Variants in CWH43 observed in about 807,000 individuals in gnomAD.
CWH43 encodes the protein cell wall biogenesis 43 C-terminal homolog.
In CWH43, 91 loss-of-function variants were observed where a neutral mutation model predicts 85.7. The ratio of observed to expected loss-of-function variants is 1.06; its 90% CI spans 0.90 to 1.26. The LOEUF is 1.26. Ranked by LOEUF, CWH43 falls within the 50% of genes most tolerant of loss-of-function variation. The pLI is 0.00. For missense variants in CWH43, 869 were observed against 839.2 expected (o/e 1.04, Z -0.44); for synonymous variants, 323 against 293.6 (o/e 1.10, Z -1.02).
Position 48,994,549 on chromosome 4 carries a change from G to C in CWH43, c.512-70G>C. ...AAATACCATTTCTTCCTTGCTAAAAGTCTGCTAAATATAGAGCGCAAATTT... is the reference window on the plus strand; with the variant it reads ...AAATACCATTTCTTCCTTGCTAAAACTCTGCTAAATATAGAGCGCAAATTT... On this transcript the variant is annotated intron_variant, in intron 4 of 15. Coordinates refer to ENST00000226432, the MANE Select transcript of CWH43 (RefSeq NM_025087.3). 30 of 1,305,400 alleles carry C rather than the reference G, an allele frequency of 2.3e-5. 2 individuals are homozygous for C. In the South Asian group the frequency reaches 3.8e-4, roughly 17 times the overall value. 80.9% of individuals were successfully genotyped at this position (1,305,400 alleles called of 1,614,324 possible). A position where few individuals can be genotyped will look rare whatever the true frequency, so the allele number is the denominator to read the frequency against.
intron 8 of CWH43, among the ~76,000 whole-genome samples, chr4:49,015,286 C>T (rs1783511166): frequency 6.6e-6 from 1 of 150,780 alleles, no homozygotes; most frequent in Non-Finnish European, 1.5e-5. Context: ...TTATGCCCCT[C>T]CTCCCCACTC....
chr4:49,026,543 C>T (rs1220666360), intron 9 of CWH43, among the ~76,000 whole-genome samples: 1 of 152,072 alleles, frequency 6.6e-6, no homozygotes, highest in Admixed American at 6.5e-5. Flanking sequence ...TACCCCCTCC[C>T]ACCCATCCCT....
intron 13 of CWH43, among the ~76,000 whole-genome samples, chr4:49,042,292 G>GT (rs1784487142): frequency 6.6e-6 from 1 of 152,154 alleles, no homozygotes; most frequent in Non-Finnish European, 1.5e-5. Context: ...CCAATAGTGA[G>GT]TATCCCAAGA....
chr4:49,052,821 A>G (rs918739763), intron 15 of CWH43, among the ~76,000 whole-genome samples: 3 of 152,198 alleles, frequency 2.0e-5, no homozygotes, highest in Non-Finnish European at 2.9e-5. Context: ...ACACCTTAGC[A>G]ATTTTCACAT....
intron 8 of CWH43, among the ~76,000 whole-genome samples, chr4:49,007,842 G>T (rs993129545): frequency 2.2e-4 from 33 of 152,168 alleles, no homozygotes; most frequent in African/African-American, 7.5e-4. Flanking sequence ...TGGTGTATAT[G>T]TGCCACATTT....
chr4:49,051,941 T>C (rs1167589021), intron 15 of CWH43, among the ~76,000 whole-genome samples: 1 of 152,178 alleles, frequency 6.6e-6, no homozygotes, highest in African/African-American at 2.4e-5. Context: ...ATGTGCTCTT[T>C]TCTCTCCCAT....
Position 48,986,349 on chromosome 4 carries a change from C to A in CWH43, c.-81C>A. 2 of 1,376,244 alleles carry A rather than the reference C, an allele frequency of 1.5e-6. No homozygotes were observed. The highest frequency in any genetic ancestry group is 2.3e-5 in the Admixed American group (1 of 44,250). 85.3% of individuals were successfully genotyped at this position (1,376,244 alleles called of 1,614,324 possible). A position where few individuals can be genotyped will look rare whatever the true frequency, so the allele number is the denominator to read the frequency against. On this transcript the variant is annotated 5_prime_UTR_variant, in exon 1 of 16. Coordinates refer to ENST00000226432, the MANE Select transcript of CWH43 (RefSeq NM_025087.3). Reference sequence around the variant, plus strand: ...ACGCAGGCCCGGGAGGACGCGGCGGCGGGAACCTGGGGGCGCAGGGCTAGG... The same window carrying A: ...ACGCAGGCCCGGGAGGACGCGGCGGAGGGAACCTGGGGGCGCAGGGCTAGG...
chr4:48,992,103 C>A lies in CWH43; in HGVS notation c.511+13C>A, dbSNP rs1429793048. 1 of 1,601,430 alleles carries A rather than the reference C, an allele frequency of 6.2e-7. No homozygotes were observed. The highest frequency in any genetic ancestry group is 8.5e-7 in the Non-Finnish European group (1 of 1,171,574). On this transcript the variant is annotated intron_variant, in intron 4 of 15. Coordinates refer to ENST00000226432, the MANE Select transcript of CWH43 (RefSeq NM_025087.3). This position sits in a 1 kb window ranked among gnomAD's most constrained non-coding sequence, Gnocchi z 4.3. ...CGTATTGGCACAGGTAATACTGTAA[C>A]TTAGGAATTTTCTCTTTGCAGAGCT...
Position 49,044,853 on chromosome 4 carries a change from C to A in CWH43, c.1865+6C>A. 6.2e-7 allele frequency: 1 copy of A among 1,610,182 alleles called. No individual in the cohort carries two copies. The highest frequency in any genetic ancestry group is 1.1e-5 in the South Asian group (1 of 90,748). On this transcript the variant is annotated splice_donor_region_variant and intron_variant, in intron 14 of 15. Transcript: ENST00000226432. ...ATGTATCGAGGGCTGATCAGGTGAG[C>A]ACAGGGGTTTGATTTTGTTTTTAAT...
chr4:49,013,241 T>C (rs1440079324), intron 8 of CWH43, among the ~76,000 whole-genome samples: 1 of 152,248 alleles, frequency 6.6e-6, no homozygotes, highest in East Asian at 1.9e-4. Flanking sequence ...TGGAGGTTGA[T>C]CTCAGACTGC....
At chr4:49,034,062 T>C (rs1306933338) in intron 12 of CWH43, among the ~76,000 whole-genome samples, 1 of 152,158 alleles carries the variant, frequency 6.6e-6, no homozygotes, top group Non-Finnish European at 1.5e-5. Flanking sequence ...AAATAAACCA[T>C]CCAAATATAA....
chr4:49,061,964 A>G lies in CWH43; in HGVS notation c.*74A>G. On this transcript the variant is annotated 3_prime_UTR_variant, in exon 16 of 16. Coordinates refer to ENST00000226432, the MANE Select transcript of CWH43 (RefSeq NM_025087.3). ...TATGTAAGATAAAAAGAAGAGATTA[A>G]TGAAAGTGGGAAAATACACATGAAG... 2 of 1,133,776 alleles carry G rather than the reference A, an allele frequency of 1.8e-6. No individual in the cohort carries two copies. The highest frequency in any genetic ancestry group is 2.3e-5 in the South Asian group (1 of 43,730). The allele number at this position is 1,133,776 out of a possible 1,614,324, so 70.2% of individuals were successfully genotyped here.
chr4:49,036,918 A>G (rs1325122648), intron 12 of CWH43, among the ~76,000 whole-genome samples: 3 of 152,072 alleles, frequency 2.0e-5, no homozygotes, highest in Non-Finnish European at 4.4e-5. Flanking sequence ...ATCTCCCACT[A>G]GTCGGTGCTG....
intron 9 of CWH43, among the ~76,000 whole-genome samples, chr4:49,027,769 AGTAG>A (rs1380804528): frequency 1.3e-5 from 2 of 152,296 alleles, no homozygotes; most frequent in East Asian, 3.9e-4. Flanking sequence ...ACTATCAAAT[AGTAG>A]GTCTTATTCT....
intron 13 of CWH43, 35 bp from the exon 14 acceptor site, chr4:49,044,751 A>T (rs368302776): frequency 6.3e-7 from 1 of 1,575,894 alleles, no homozygotes; most frequent in Admixed American, 1.8e-5. Context: ...TTTGCTTTTT[A>T]TGCTTTAAAC....
In CWH43 at chr4:49,061,952, AAG is replaced by A. The variant is rs1785175549; in HGVS notation, c.*64_*65del. ...TAAGAAAAAAAGTATGTAAGATAAA[AAG>A]AAGAGATTAATGAAAGTGGGAAAAT... On this transcript the variant is annotated 3_prime_UTR_variant, in exon 16 of 16. Transcript: ENST00000226432. The A allele has an allele frequency of 8.3e-7, 1 of 1,198,158 alleles. No homozygotes were observed. The allele number at this position is 1,198,158 out of a possible 1,614,324, so 74.2% of individuals were successfully genotyped here.
chr4:48,992,278 C>A lies in CWH43; in HGVS notation c.511+188C>A, dbSNP rs1458376183. ...TTTGCTAAGCAGGAGGCACATTTTCCTTGCCTGTACAGACAGAGGGTGAAA... is the reference window on the plus strand; with the variant it reads ...TTTGCTAAGCAGGAGGCACATTTTCATTGCCTGTACAGACAGAGGGTGAAA... On this transcript the variant is annotated intron_variant, in intron 4 of 15. Coordinates refer to ENST00000226432, the MANE Select transcript of CWH43 (RefSeq NM_025087.3). This position sits in a 1 kb window ranked among gnomAD's most constrained non-coding sequence, Gnocchi z 4.3. 3.3e-5 allele frequency among the ~76,000 whole-genome samples: 5 copies of A among 152,320 alleles called. No individual in the cohort carries two copies. The South Asian group carries it at 8.3e-4, about 25-fold the overall frequency.
intron 5 of CWH43, among the ~76,000 whole-genome samples, chr4:48,998,092 G>A (rs1782870612): frequency 6.6e-6 from 1 of 152,090 alleles, no homozygotes; most frequent in Non-Finnish European, 1.5e-5. Flanking sequence ...TTGAGGTAGA[G>A]GAAAGAAAGA....
At chr4:49,030,609 G>A (rs1366997690) in intron 10 of CWH43, among the ~76,000 whole-genome samples, 1 of 152,164 alleles carries the variant, frequency 6.6e-6, no homozygotes, top group Non-Finnish European at 1.5e-5. Flanking sequence ...GGTAGTTCCT[G>A]GAGGTGTTTC....
Sources: gnomAD v4.1 joint callset for allele counts (sites outside exome capture counted in the v4.1 genomes callset) on GRCh38, gnomAD v4.1.1 for gene constraint, Gnocchi (gnomAD v3.1) non-coding constraint, MANE v1.5 for transcripts, NCBI Gene and HGNC (gene_info 2026-07-23, HGNC 2026-07-21) for gene names.